PHKA1: variants seen among roughly 807,000 people sequenced by gnomAD.
PHKA1 encodes the protein phosphorylase kinase regulatory subunit alpha 1.
In PHKA1, 60 loss-of-function variants were observed where a neutral mutation model predicts 110.2. The ratio of observed to expected loss-of-function variants is 0.54; its 90% CI spans 0.44 to 0.68. The LOEUF (loss-of-function observed/expected upper bound fraction) is 0.68. Among genes scored for constraint, PHKA1 ranks in the 30% least tolerant of loss-of-function variants. The probability of loss-of-function intolerance (pLI) is 0.00; values close to 1 mark genes in which losing one functional copy is unlikely to be tolerated. For synonymous variants in PHKA1, 316 were observed against 333.6 expected, an observed-to-expected ratio of 0.95 and a Z score of 0.58; for missense variants, 801 against 942.5, an observed-to-expected ratio of 0.85 and a Z score of 1.97.
Position 72,602,151 on chromosome X carries a change from A to G in PHKA1, c.3033+7T>C, listed in dbSNP as rs1556243978. ...TATCCCAGCTAATCTCCCAGGTAGT[A>G]TCTTACCTGCTTTATCTCACTTTTT... On this transcript the variant is annotated splice_region_variant and intron_variant, in intron 27 of 31. Coordinates refer to ENST00000373542, the MANE Select transcript of PHKA1 (RefSeq NM_002637.4). The G allele has an allele frequency of 4.3e-6, 5 of 1,154,310 alleles. No homozygotes were observed. Among genetic ancestry groups the G allele is most frequent in the Non-Finnish European group, 4.7e-6 (4 of 843,626 alleles).
Position 72,605,263 on chromosome X carries a change from T to C in PHKA1, c.2815+8A>G. The C allele has an allele frequency of 8.4e-7, 1 of 1,193,281 alleles. No individual in the cohort carries two copies. The highest frequency in any genetic ancestry group is 1.1e-6 in the Non-Finnish European group (1 of 878,715). On this transcript the variant is annotated splice_region_variant and intron_variant, in intron 25 of 31. Coordinates refer to ENST00000373542, the MANE Select transcript of PHKA1 (RefSeq NM_002637.4). The stretch of plus-strand genomic sequence containing the variant: ...AATTCCACCTAAAATAGTTACTGAA[T>C]TAAGTACCTGAGCATCGAAGGGAGT...
At chrX:72,581,533 C>T (rs5912105) in intron 31 of PHKA1, among the ~76,000 whole-genome samples, 21,467 of 110,892 alleles carry the variant, frequency 0.19, 1,785 homozygotes, top group Non-Finnish European at 0.26. Context: ...TGGTCTGACT[C>T]CTTCTAGTAC....
At chrX:72,601,670 C>T (rs1346131911) in intron 28 of PHKA1, among the ~76,000 whole-genome samples, 1 of 111,103 alleles carries the variant, frequency 9.0e-6, no homozygotes, top group East Asian at 2.8e-4. Context: ...AGAAGCCCAC[C>T]TAAACTCTGG....
intron 1 of PHKA1, among the ~76,000 whole-genome samples, chrX:72,713,279 C>G (rs1246279246): frequency 1.8e-5 from 2 of 110,937 alleles, no homozygotes; most frequent in Admixed American, 1.9e-4. Flanking sequence ...TACTTAAGAT[C>G]TACTCTCTTA....
rs72630053 is a variant in PHKA1, at chrX:72,597,988, A to G, written c.3072+4003T>C. ...ATATGACACCAAAAACATCATGATT[A>G]ACAAAAGAAAAAATAGACAAATTGG... On this transcript the variant is annotated intron_variant, in intron 28 of 31. Coordinates refer to ENST00000373542, the MANE Select transcript of PHKA1 (RefSeq NM_002637.4). 0.064 allele frequency among the ~76,000 whole-genome samples: 7,158 copies of G among 111,694 alleles called. 800 individuals carry two copies. In the East Asian group the frequency reaches 0.67, roughly 10 times the overall value.
intron 27 of PHKA1, 58 bp from the exon 28 acceptor site, chrX:72,602,087 C>CA: frequency 9.0e-7 from 1 of 1,105,346 alleles, no homozygotes; most frequent in Non-Finnish European, 1.2e-6. Context: ...AATGACCCAA[C>CA]AAAGTCTGAT....
chrX:72,622,985 G>A, intron 18 of PHKA1, 124 bp downstream of exon 18: 1 of 1,137,614 alleles, frequency 8.8e-7, no homozygotes, highest in Non-Finnish European at 1.2e-6. Flanking sequence ...CCAAACAAAA[G>A]TAGAGATCTA....
intron 6 of PHKA1, among the ~76,000 whole-genome samples, chrX:72,673,797 T>G (rs1329358403): frequency 2.7e-5 from 3 of 111,570 alleles, no homozygotes; most frequent in Non-Finnish European, 5.7e-5. Context: ...TTATTTTTTT[T>G]TTCATTTGAA....
chrX:72,686,616 A>G (rs1372044123), intron 4 of PHKA1, among the ~76,000 whole-genome samples: 1 of 112,045 alleles, frequency 8.9e-6, no homozygotes, highest in African/African-American at 3.2e-5. Context: ...CACATGTGCC[A>G]GTATATCAGG....
At chrX:72,708,185 G>A (rs2054318721) in intron 2 of PHKA1, among the ~76,000 whole-genome samples, 1 of 111,795 alleles carries the variant, frequency 8.9e-6, no homozygotes, top group Non-Finnish European at 1.9e-5. Context: ...TTGCATTCAT[G>A]GTACCATCAA....
intron 6 of PHKA1, 50 bp downstream of exon 6, chrX:72,676,020 T>C: frequency 1.1e-6 from 1 of 921,529 alleles, no homozygotes; most frequent in Admixed American, 2.2e-5. Flanking sequence ...GACAAAGGGA[T>C]ACCAGACTTC....
chrX:72,686,830 G>A (rs1556319006), intron 4 of PHKA1, among the ~76,000 whole-genome samples: 2 of 111,639 alleles, frequency 1.8e-5, no homozygotes, highest in African/African-American at 6.5e-5. Context: ...ACATTTCAGA[G>A]TAAGCTGCAG....
intron 28 of PHKA1, chrX:72,599,684 AT>A (rs782200205): frequency 5.7e-6 from 2 of 350,821 alleles, no homozygotes; most frequent in African/African-American, 2.6e-5. Flanking sequence ...ACCCCCATAT[AT>A]GAAATTGCTT....
chrX:72,590,181 A>G (rs1368086053), intron 29 of PHKA1, among the ~76,000 whole-genome samples: 3 of 111,843 alleles, frequency 2.7e-5, no homozygotes, highest in Admixed American at 1.9e-4. Flanking sequence ...ACTATACTAC[A>G]AGGCTACAGT....
intron 10 of PHKA1, among the ~76,000 whole-genome samples, chrX:72,654,797 A>ATTT (rs141785619): frequency 2.1e-5 from 2 of 93,766 alleles, no homozygotes; most frequent in African/African-American, 7.8e-5. Context: ...TAGCATGGTG[A>ATTT]TTTTTTTTTT....
intron 8 of PHKA1, among the ~76,000 whole-genome samples, chrX:72,661,035 G>A (rs1356178534): frequency 8.9e-6 from 1 of 112,246 alleles, no homozygotes; most frequent in Non-Finnish European, 1.9e-5. Context: ...AGAAATGTCA[G>A]TATTTGATTC....
intron 28 of PHKA1, 155 bp from the exon 29 acceptor site, chrX:72,593,429 C>T: frequency 2.2e-6 from 1 of 448,044 alleles, no homozygotes; most frequent in Non-Finnish European, 3.9e-6. Flanking sequence ...GCAAGCTCTG[C>T]CTCCCGGGTT....
At chrX:72,668,683 T>G (rs782310525) in intron 6 of PHKA1, among the ~76,000 whole-genome samples, 25 of 111,330 alleles carry the variant, frequency 2.2e-4, no homozygotes, top group Non-Finnish European at 4.0e-4. Context: ...TAAGTAGAAG[T>G]TGGCCAGGCA....
intron 3 of PHKA1, among the ~76,000 whole-genome samples, chrX:72,702,707 T>C (rs957478934): frequency 9.0e-6 from 1 of 111,449 alleles, no homozygotes; most frequent in Non-Finnish European, 1.9e-5. Flanking sequence ...AAACCTGAGA[T>C]CAGAGATTCA....
Sources: gnomAD v4.1 joint callset for allele counts (sites outside exome capture counted in the v4.1 genomes callset) on GRCh38, gnomAD v4.1.1 for gene constraint, MANE v1.5 for transcripts, NCBI Gene and HGNC (gene_info 2026-07-23, HGNC 2026-07-21) for gene names.